CGA: variants seen among roughly 807,000 people sequenced by gnomAD.
CGA encodes glycoprotein hormones alpha chain.
CGA carries 4 observed loss-of-function variants against 12.0 expected under a neutral mutation model. The ratio of observed to expected loss-of-function variants is 0.33; its 90% CI spans 0.16 to 0.76. The LOEUF is 0.76. CGA is among the 30% of genes least tolerant of loss of function. CGA has a pLI of 0.60. For missense variants in CGA, 102 were observed against 143.5 expected, an observed-to-expected ratio of 0.71 and a Z score of 1.48; for synonymous variants, 60 against 56.6, an observed-to-expected ratio of 1.06 and a Z score of -0.27.
At chr6:87,086,585 TG>T in intron 2 of CGA, 151 bp from the exon 3 acceptor site, 1 of 644,180 alleles carries the variant, frequency 1.6e-6, no homozygotes, top group Non-Finnish European at 2.6e-6. Context: ...GAGAGCAGCC[TG>T]GGCAACATGG....
intron 1 of CGA, chr6:87,089,088 T>A (rs1237982760): frequency 2.0e-5 from 3 of 152,206 alleles, no homozygotes; most frequent in African/African-American, 7.2e-5. Context: ...ACACTATTGA[T>A]ACACACAGCA....
chr6:87,093,823 C>A (rs1442002091), intron 1 of CGA, among the ~76,000 whole-genome samples: 1 of 152,140 alleles, frequency 6.6e-6, no homozygotes, highest in Admixed American at 6.5e-5. Flanking sequence ...CACACACTAC[C>A]CTTTTCAGCA....
Position 87,088,219 on chromosome 6 carries a change from C to T in CGA, c.-7-12G>A, listed in dbSNP as rs778561589. ...AATCCATGGCGCTCCTGCAGACAGA[C>T]ATGGCAAAAAAAAAAAAACAAAAAA... On this transcript the variant is annotated splice_polypyrimidine_tract_variant and intron_variant, in intron 1 of 3. Coordinates refer to ENST00000627148, the MANE Select transcript of CGA (RefSeq NM_000735.4). 9.8e-6 allele frequency: 9 copies of T among 916,686 alleles called. No homozygotes were observed. The highest frequency in any genetic ancestry group is 1.1e-5 in the Non-Finnish European group (8 of 700,020). The allele number at this position is 916,686 out of a possible 1,614,324, so 56.8% of individuals were successfully genotyped here.
At chr6:87,086,554 A>C in intron 2 of CGA, 120 bp from the exon 3 acceptor site, 1 of 895,522 alleles carries the variant, frequency 1.1e-6, no homozygotes, top group Non-Finnish European at 1.7e-6. Flanking sequence ...TAGTGGGTGG[A>C]TTGCTTGAGC....
intron 1 of CGA, 78 bp downstream of exon 1, chr6:87,094,935 G>A (rs902854400): frequency 2.0e-5 from 3 of 152,190 alleles, no homozygotes; most frequent in Non-Finnish European, 4.4e-5. Context: ...TATATGCAGA[G>A]ACTTTGGAAT....
At chr6:87,091,339 T>C (rs1769428847) in intron 1 of CGA, among the ~76,000 whole-genome samples, 1 of 152,192 alleles carries the variant, frequency 6.6e-6, no homozygotes, top group South Asian at 2.1e-4. Context: ...AAAAACAGAA[T>C]AGCCTTCAAA....
At chr6:87,091,620 C>T (rs1281718168) in intron 1 of CGA, among the ~76,000 whole-genome samples, 2 of 152,120 alleles carry the variant, frequency 1.3e-5, no homozygotes, top group African/African-American at 4.8e-5. Flanking sequence ...ACCAACATAC[C>T]CTTATATCCC....
At position 87,085,601 on chromosome 6, in the gene CGA, A is replaced by G; in HGVS notation, c.*155T>C. ...CTGCTGATTGTACTGTAGGATAAGG[A>G]GGAAGGCAGTAAAGCTGCAGTATAT... On this transcript the variant is annotated 3_prime_UTR_variant, in exon 4 of 4. Coordinates refer to ENST00000627148, the MANE Select transcript of CGA (RefSeq NM_000735.4). 1 of 626,334 alleles carries G rather than the reference A, an allele frequency of 1.6e-6. No homozygotes were observed. The highest frequency in any genetic ancestry group is 1.9e-5 in the South Asian group (1 of 52,366). The allele number at this position is 626,334 out of a possible 1,614,324, so 38.8% of individuals were successfully genotyped here. A position where few individuals can be genotyped will look rare whatever the true frequency, so the allele number is the denominator to read the frequency against.
At chr6:87,094,565 A>C (rs2127756115) in intron 1 of CGA, among the ~76,000 whole-genome samples, 1 of 152,374 alleles carries the variant, frequency 6.6e-6, no homozygotes, top group African/African-American at 2.4e-5. Context: ...AAAGATAATC[A>C]GAAGCTATAG....
intron 1 of CGA, 25 bp downstream of exon 1, chr6:87,094,988 C>T (rs1769511376): frequency 6.6e-6 from 1 of 152,178 alleles, no homozygotes; most frequent in African/African-American, 2.4e-5. Flanking sequence ...ATTAAAGTCC[C>T]CCAAAATTAT....
chr6:87,089,454 A>G (rs1328853939), intron 1 of CGA, among the ~76,000 whole-genome samples: 1 of 152,212 alleles, frequency 6.6e-6, no homozygotes, highest in Non-Finnish European at 1.5e-5. Context: ...ACCTTGTACT[A>G]TAGTTATACA....
In CGA at chr6:87,088,211, C is replaced by T; in HGVS notation, c.-7-4G>A. The T allele has an allele frequency of 7.3e-7, 1 of 1,372,898 alleles. No individual in the cohort carries two copies. Among genetic ancestry groups the T allele is most frequent in the Admixed American group, 2.6e-5 (1 of 39,110 alleles). 85.0% of individuals were successfully genotyped at this position (1,372,898 alleles called of 1,614,324 possible). On this transcript the variant is annotated splice_polypyrimidine_tract_variant and splice_region_variant and intron_variant, in intron 1 of 3. Coordinates refer to ENST00000627148, the MANE Select transcript of CGA (RefSeq NM_000735.4). ...TCTGTAGTAATCCATGGCGCTCCTG[C>T]AGACAGACATGGCAAAAAAAAAAAA...
At chr6:87,091,343 C>T (rs1375043497) in intron 1 of CGA, among the ~76,000 whole-genome samples, 2 of 152,086 alleles carry the variant, frequency 1.3e-5, no homozygotes, top group Non-Finnish European at 2.9e-5. Context: ...ACAGAATAGC[C>T]TTCAAATTCT....
At chr6:87,090,467 AT>A (rs1186718469) in intron 1 of CGA, among the ~76,000 whole-genome samples, 2 of 151,226 alleles carry the variant, frequency 1.3e-5, no homozygotes, top group African/African-American at 4.9e-5. Context: ...CTCATCACTA[AT>A]TTTTTTTTGA....
chr6:87,093,282 T>C lies in CGA; in HGVS notation c.-8+1731A>G, dbSNP rs576903544. On this transcript the variant is annotated intron_variant, in intron 1 of 3. Coordinates refer to ENST00000627148, the MANE Select transcript of CGA (RefSeq NM_000735.4). ...CCATGTCCTCCTTTATAACTTGGAG[T>C]CACACATGGATCATGCTGTTTCAGT... 2.0e-5 allele frequency among the ~76,000 whole-genome samples: 3 copies of C among 152,210 alleles called. No homozygotes were observed. In the South Asian group the frequency reaches 6.2e-4, roughly 32 times the overall value.
At chr6:87,092,394 C>T (rs757026827) in intron 1 of CGA, among the ~76,000 whole-genome samples, 18 of 152,092 alleles carry the variant, frequency 1.2e-4, no homozygotes, top group Non-Finnish European at 2.4e-4. Flanking sequence ...GCAGTTCCTG[C>T]TTCCCATCTC....
rs78037167 is a variant in CGA at position 87,094,425 on chromosome 6, C to A, written c.-8+588G>T. On this transcript the variant is annotated intron_variant, in intron 1 of 3. Transcript: ENST00000627148. ...GGCAAGTGACTTATCATTGCAAATT[C>A]ATGAATAATAGCTAGAGAAATACTA... 4.5e-4 allele frequency among the ~76,000 whole-genome samples: 69 copies of A among 152,310 alleles called. No individual in the cohort carries two copies. The East Asian group carries it at 0.013, about 28-fold the overall frequency.
At chr6:87,086,151 G>A (rs1247101377) in intron 3 of CGA, 99 bp downstream of exon 3, 2 of 1,074,952 alleles carry the variant, frequency 1.9e-6, no homozygotes, top group Admixed American at 2.2e-5. Flanking sequence ...CAGAGGCTGG[G>A]TCATTAGACA....
Position 87,085,679 on chromosome 6 carries a change from A to G in CGA, c.*77T>C. 1 of 989,738 alleles carries G rather than the reference A, an allele frequency of 1.0e-6. No individual in the cohort carries two copies. The highest frequency in any genetic ancestry group is 2.5e-5 in the East Asian group (1 of 39,360). 61.3% of individuals were successfully genotyped at this position (989,738 alleles called of 1,614,324 possible). A position where few individuals can be genotyped will look rare whatever the true frequency, so the allele number is the denominator to read the frequency against. On this transcript the variant is annotated 3_prime_UTR_variant, in exon 4 of 4. Transcript: ENST00000627148. ...AAGGAAAAGGAGAGTTTTATCTCACAAAGCCATAAACACTAAACAACTTAA... is the reference window on the plus strand; with the variant it reads ...AAGGAAAAGGAGAGTTTTATCTCACGAAGCCATAAACACTAAACAACTTAA...
Sources: gnomAD v4.1 joint callset for allele counts (sites outside exome capture counted in the v4.1 genomes callset) on GRCh38, gnomAD v4.1.1 for gene constraint, MANE v1.5 for transcripts, NCBI Gene and HGNC (gene_info 2026-07-23, HGNC 2026-07-21) for gene names.